TCF20: variants seen among roughly 807,000 people sequenced by gnomAD.
TCF20 encodes the protein transcription factor 20.
A neutral mutation model predicts 148.6 loss-of-function variants in TCF20; 3 were observed. That is an observed-to-expected ratio of 0.02 (90% confidence interval 0.01 to 0.05). The LOEUF (loss-of-function observed/expected upper bound fraction) is 0.05. Ranked by LOEUF, TCF20 falls within the 10% of genes least tolerant of loss-of-function variation. The probability of loss-of-function intolerance (pLI) is 1.00; values close to 1 mark genes in which losing one functional copy is unlikely to be tolerated. For synonymous variants in TCF20, 1,049 were observed against 909.5 expected (o/e 1.15, Z -2.76); for missense variants, 2,350 against 2,429.3 (o/e 0.97, Z 0.69).
intron 5 of TCF20, 118 bp from the exon 6 acceptor site, chr22:42,161,476 C>T: frequency 7.5e-7 from 1 of 1,330,676 alleles, no homozygotes; most frequent in Non-Finnish European, 1.1e-6. Context: ...TCACGCCCCT[C>T]TGCAGATGTG....
intron 2 of TCF20, among the ~76,000 whole-genome samples, chr22:42,193,076 T>C (rs1038298195): frequency 2.0e-5 from 3 of 152,118 alleles, no homozygotes; most frequent in African/African-American, 2.4e-5. Flanking sequence ...ATATGGAAAT[T>C]TTCTTCTACA....
intron 2 of TCF20, among the ~76,000 whole-genome samples, chr22:42,181,479 A>G (rs1936769524): frequency 6.6e-6 from 1 of 151,454 alleles, no homozygotes; most frequent in Non-Finnish European, 1.5e-5. Flanking sequence ...GGCCCTCCCT[A>G]CCCTGGGGGA....
intron 2 of TCF20, among the ~76,000 whole-genome samples, chr22:42,198,453 C>G (rs1356793902): frequency 6.6e-6 from 1 of 152,206 alleles, no homozygotes; most frequent in Non-Finnish European, 1.5e-5. Flanking sequence ...TACCAAACTC[C>G]ACGGATGCCC....
Position 42,209,646 on chromosome 22 carries a change from C to T in TCF20, c.5655+5G>A. 1 of 1,581,064 alleles carries T rather than the reference C, an allele frequency of 6.3e-7. No homozygotes were observed. Among genetic ancestry groups the T allele is most frequent in the Non-Finnish European group, 8.6e-7 (1 of 1,165,252 alleles). Reference sequence around the variant, plus strand: ...CCAAGCTGGTAAGAGATTTCTCATACTCACCATCTCTCTGGCTATTTCCAG... The same window carrying T: ...CCAAGCTGGTAAGAGATTTCTCATATTCACCATCTCTCTGGCTATTTCCAG... On this transcript the variant is annotated splice_donor_5th_base_variant and intron_variant, in intron 2 of 5. Transcript: ENST00000677622.
chr22:42,211,092 A>C lies in TCF20; in HGVS notation c.4214T>G (p.Ile1405Arg), dbSNP rs965178022. The change falls in exon 2 of 6, where the codon ATA (isoleucine) becomes AGA (arginine). Residue 1405 changes from isoleucine to arginine, a missense_variant. Around this residue, in one of 7 missense-constraint regions of TCF20, gnomAD observed 231 missense variants for 213.7 expected, o/e 1.08. Transcript: ENST00000677622. ...GGSVAVQDADIEKRKGEVASD... is the reference protein window; with the variant it reads ...GGSVAVQDADREKRKGEVASD... ...AGCCACCTCACCTTTTCTCTTCTCT[A>C]TGTCAGCATCCTGAACAGCAACACT... The C allele has an allele frequency of 8.7e-6, 14 of 1,613,910 alleles. No homozygotes were observed. The East Asian group carries it at 1.1e-4, about 13-fold the overall frequency.
At chr22:42,250,625 C>G (rs115986851) in intron 1 of TCF20, among the ~76,000 whole-genome samples, 3,286 of 152,230 alleles carry the variant, frequency 0.022, 135 homozygotes, top group African/African-American at 0.074. Context: ...CATGGTATTT[C>G]AGAGGACCAC....
intron 2 of TCF20, among the ~76,000 whole-genome samples, chr22:42,188,293 C>CAAAAAAAAAAAAAAAAAAAA (rs58945649): frequency 4.0e-5 from 2 of 49,464 alleles, no homozygotes; most frequent in African/African-American, 6.0e-5. Flanking sequence ...AACTCCGTCT[C>CAAAAAAAAAAAAAAAAAAAA]AAAAAAAAAA....
chr22:42,328,156 G>A (rs1439609623), intron 1 of TCF20, among the ~76,000 whole-genome samples: 1 of 152,060 alleles, frequency 6.6e-6, no homozygotes. Context: ...CACCCTCCCA[G>A]GCTCAGCCAT....
rs1936677056 is a variant in TCF20, at chr22:42,179,702, T to C, written c.5656A>G (p.Lys1886Glu). 1 of 1,612,362 alleles carries C rather than the reference T, an allele frequency of 6.2e-7. No homozygotes were observed. The highest frequency in any genetic ancestry group is 8.5e-7 in the Non-Finnish European group (1 of 1,178,710). The part of the protein sequence containing the change: ...QEALEIAREM[K>E]CSHCQEAGAT... ...CCTGCCTCCTGGCAGTGGGAACATT[T>C]CTGAAAGGAAGGGAAAAGTCAGGCA... Residue 1886 changes from lysine (K) to glutamate (E), a missense_variant and splice_region_variant, in exon 3 of 6, where the codon AAA (lysine) becomes GAA (glutamate). Lys to Glu is a moderately conservative substitution (Grantham distance 56). Around this residue, in one of 7 missense-constraint regions of TCF20, gnomAD observed 30 missense variants for 59.5 expected, o/e 0.50. Transcript: ENST00000677622.
At chr22:42,280,046 G>C (rs760460841) in intron 1 of TCF20, among the ~76,000 whole-genome samples, 45 of 152,196 alleles carry the variant, frequency 3.0e-4, no homozygotes, top group Non-Finnish European at 4.4e-4. Flanking sequence ...AGGAGAAATG[G>C]GAAAGCTAGG....
intron 1 of TCF20, among the ~76,000 whole-genome samples, chr22:42,342,053 C>T (rs1928177776): frequency 6.6e-6 from 1 of 152,106 alleles, no homozygotes; most frequent in African/African-American, 2.4e-5. Flanking sequence ...CAGGGTACAT[C>T]CACTTCCCTG....
At chr22:42,285,738 G>T (rs1034347385), upstream of TCF20, among the ~76,000 whole-genome samples, 3 of 152,012 alleles carry the variant, frequency 2.0e-5, no homozygotes, top group African/African-American at 4.8e-5. The surrounding 1 kb of genome is among the most constrained non-coding windows in gnomAD (Gnocchi z 4.2). Flanking sequence ...CATCCAAAGT[G>T]CTAGGATTAA....
intron 1 of TCF20, among the ~76,000 whole-genome samples, chr22:42,255,245 G>A: frequency 6.6e-6 from 1 of 152,068 alleles, no homozygotes; most frequent in Non-Finnish European, 1.5e-5. Flanking sequence ...CCAGCACTTT[G>A]GGAGGCCAAG....
chr22:42,187,737 T>C (rs138417135), intron 2 of TCF20, among the ~76,000 whole-genome samples: 342 of 152,344 alleles, frequency 2.2e-3, no homozygotes, highest in African/African-American at 8.0e-3. Flanking sequence ...TTAAAGGACT[T>C]TTCTCCTTCA....
At chr22:42,319,394 T>C (rs1569208539) in intron 1 of TCF20, among the ~76,000 whole-genome samples, 1 of 152,234 alleles carries the variant, frequency 6.6e-6, no homozygotes, top group South Asian at 2.1e-4. Context: ...TGGGCAGCCA[T>C]GGAAAGCCAT....
At chr22:42,314,895 G>A (rs940653936) in intron 1 of TCF20, among the ~76,000 whole-genome samples, 3 of 152,158 alleles carry the variant, frequency 2.0e-5, no homozygotes, top group African/African-American at 4.8e-5. Context: ...GAGGGGAGCG[G>A]CTGAATGAGG....
chr22:42,214,427 C>G lies in TCF20; in HGVS notation c.879G>C (p.Gln293His). The stretch of plus-strand genomic sequence containing the variant: ...GTTCAAAATTCTTCATAGATTGAGG[C>G]TGATAGCTGTAATTGGATTGTGTTC... ...AYGTQSNYSY[Q>H]PQSMKNFEQA... The change falls in exon 2 of 6, where the codon CAG becomes CAC. Residue 293 changes from glutamine to histidine, a missense_variant. By Grantham distance (24) the Gln-to-His change is conservative. This residue lies in a region of TCF20 where 1,641 missense variants were observed against 1,662.6 expected (regional missense o/e 0.99). Transcript: ENST00000677622. The G allele has an allele frequency of 6.2e-7, 1 of 1,614,142 alleles. No homozygotes were observed. Among genetic ancestry groups the G allele is most frequent in the Non-Finnish European group, 8.5e-7 (1 of 1,180,022 alleles).
intron 3 of TCF20, among the ~76,000 whole-genome samples, chr22:42,170,979 T>A (rs560691582): frequency 6.6e-6 from 1 of 152,210 alleles, no homozygotes; most frequent in South Asian, 2.1e-4. Flanking sequence ...ACAAATCACA[T>A]AATCCACACT....
At chr22:42,215,362 A>G (rs1340805569) in intron 1 of TCF20, 21 bp from the exon 2 acceptor site, 1 of 1,541,940 alleles carries the variant, frequency 6.5e-7, no homozygotes, top group African/African-American at 1.4e-5. Flanking sequence ...AAGAAAGAAA[A>G]ACATTAGACA....
Sources: allele counts gnomAD v4.1 joint callset (sites outside exome capture counted in the v4.1 genomes callset), GRCh38; gene constraint gnomAD v4.1.1; regional missense constraint gnomAD v4.1.1; non-coding constraint Gnocchi (gnomAD v3.1); transcripts MANE v1.5; gene names NCBI Gene and HGNC (gene_info 2026-07-23, HGNC 2026-07-21).